EHBP1: variants seen among roughly 807,000 people sequenced by gnomAD.
EHBP1 encodes the protein EH domain binding protein 1, also known as EH domain-binding protein 1.
EHBP1 carries 55 observed loss-of-function variants against 144.0 expected under a neutral mutation model. The observed-to-expected ratio is 0.38, with a 90% CI of 0.31 to 0.48. EHBP1 has a LOEUF of 0.48. Ranked by LOEUF, EHBP1 falls within the 20% of genes least tolerant of loss-of-function variation. The pLI, the probability that EHBP1 is intolerant of heterozygous loss-of-function variation, is 0.98. For synonymous variants in EHBP1, 469 were observed against 472.7 expected, an observed-to-expected ratio of 0.99 and a Z score of 0.10; for missense variants, 1,200 against 1,364.2, an observed-to-expected ratio of 0.88 and a Z score of 1.90.
rs1012213749 is a variant in EHBP1 at position 62,841,092 on chromosome 2, A to G, written c.634+9934A>G. 9.6e-4 allele frequency among the ~76,000 whole-genome samples: 146 copies of G among 152,306 alleles called. 2 individuals carry two copies. The highest frequency in any genetic ancestry group is 3.3e-3 in the East Asian group (17 of 5,178). On this transcript the variant is annotated intron_variant, in intron 7 of 22. Transcript: ENST00000431489. ...ATAGCAAAGACTTGGAACCAAGCCAAATGTCCAACAATGATAGACTGGATT... is the reference window on the plus strand; with the variant it reads ...ATAGCAAAGACTTGGAACCAAGCCAGATGTCCAACAATGATAGACTGGATT...
At position 62,849,314 on chromosome 2, in the gene EHBP1, G is replaced by A. The variant is rs574752796; in HGVS notation, c.635-9855G>A. On this transcript the variant is annotated intron_variant, in intron 7 of 22. Transcript: ENST00000431489. Reference sequence around the variant, plus strand: ...TGGACAGGCCACTTGGAGAGAGAGAGAGATGCTGGGCCATCTGCGAGTTGT... The same window carrying A: ...TGGACAGGCCACTTGGAGAGAGAGAAAGATGCTGGGCCATCTGCGAGTTGT... Among the ~76,000 whole-genome samples, 11 of 152,240 alleles carry A rather than the reference G, an allele frequency of 7.2e-5. No homozygotes were observed. In the South Asian group the frequency reaches 2.3e-3, roughly 32 times the overall value.
intron 2 of EHBP1, among the ~76,000 whole-genome samples, chr2:62,726,032 C>T (rs564200190): frequency 1.3e-5 from 2 of 152,196 alleles, no homozygotes; most frequent in South Asian, 4.1e-4. Context: ...AGGGGTTGGG[C>T]TGGCCTTGTC....
At chr2:62,924,044 C>G (rs912647332) in intron 10 of EHBP1, among the ~76,000 whole-genome samples, 1 of 152,162 alleles carries the variant, frequency 6.6e-6, no homozygotes, top group Non-Finnish European at 1.5e-5. Context: ...ACCCATATCC[C>G]AAGCCTGAGA....
intron 19 of EHBP1, among the ~76,000 whole-genome samples, chr2:63,019,832 GA>G (rs879662503): frequency 0.2 from 10,599 of 52,846 alleles, 1,434 homozygotes; most frequent in Non-Finnish European, 0.25. Flanking sequence ...GAGGGGGAGG[GA>G]AGGAAGGAAG....
chr2:62,872,043 A>T (rs562408868), intron 9 of EHBP1: 3 of 152,282 alleles, frequency 2.0e-5, no homozygotes, highest in Admixed American at 1.3e-4. Flanking sequence ...GGGAAGCTAC[A>T]TGCCCATTTT....
At chr2:62,829,549 TA>T (rs2046629479) in intron 6 of EHBP1, among the ~76,000 whole-genome samples, 1 of 147,994 alleles carries the variant, frequency 6.8e-6, no homozygotes, top group Non-Finnish European at 1.5e-5. Context: ...TGTTCCTTTT[TA>T]AGGCTGAGTG....
intron 14 of EHBP1, among the ~76,000 whole-genome samples, chr2:62,971,571 G>A (rs559880864): frequency 6.6e-6 from 1 of 152,230 alleles, no homozygotes; most frequent in South Asian, 2.1e-4. Flanking sequence ...AATAGATAGG[G>A]CCAGTGCTTT....
At chr2:62,787,381 A>C (rs899838987) in intron 5 of EHBP1, among the ~76,000 whole-genome samples, 107 of 113,640 alleles carry the variant, frequency 9.4e-4, no homozygotes, top group Admixed American at 2.0e-3. Flanking sequence ...GCACCACCCC[A>C]CACTGCACCG....
intron 2 of EHBP1, among the ~76,000 whole-genome samples, chr2:62,708,374 G>GT (rs2034802595): frequency 6.6e-6 from 1 of 152,194 alleles, no homozygotes. Flanking sequence ...TCCTCAAGGA[G>GT]TGTGCAGTCC....
chr2:63,041,952 T>C (rs1306396362), intron 21 of EHBP1, among the ~76,000 whole-genome samples: 1 of 152,194 alleles, frequency 6.6e-6, no homozygotes, highest in East Asian at 1.9e-4. Context: ...GCAAATAAAC[T>C]GAATCAGGGA....
chr2:62,868,240 A>G (rs1286774551), intron 9 of EHBP1, among the ~76,000 whole-genome samples: 2 of 152,090 alleles, frequency 1.3e-5, no homozygotes, highest in Non-Finnish European at 2.9e-5. Flanking sequence ...TTAGCTAGGC[A>G]TGGTTTCAGT....
intron 21 of EHBP1, among the ~76,000 whole-genome samples, chr2:63,040,747 C>T (rs1191151597): frequency 6.6e-6 from 1 of 152,160 alleles, no homozygotes; most frequent in Admixed American, 6.5e-5. Flanking sequence ...AATAAAGATA[C>T]TGTCTTAAGA....
intron 2 of EHBP1, among the ~76,000 whole-genome samples, chr2:62,738,794 T>G (rs995257788): frequency 6.6e-6 from 1 of 152,220 alleles, no homozygotes; most frequent in Non-Finnish European, 1.5e-5. Flanking sequence ...TCAGAACGCT[T>G]TCTTATGTAT....
At chr2:62,822,750 C>G (rs989356993) in intron 5 of EHBP1, among the ~76,000 whole-genome samples, 8 of 152,066 alleles carry the variant, frequency 5.3e-5, no homozygotes, top group Non-Finnish European at 5.9e-5. Context: ...AAATATTTGC[C>G]AATCTGAAAG....
At chr2:62,793,218 A>G (rs1320588076) in intron 5 of EHBP1, among the ~76,000 whole-genome samples, 1 of 152,094 alleles carries the variant, frequency 6.6e-6, no homozygotes, top group Non-Finnish European at 1.5e-5. Flanking sequence ...TTTAGAACTG[A>G]TATTTTTGGA....
Position 62,844,539 on chromosome 2 carries a change from G to A in EHBP1, c.634+13381G>A, listed in dbSNP as rs1242772544. Among the ~76,000 whole-genome samples, 3 of 152,176 alleles carry A rather than the reference G, an allele frequency of 2.0e-5. No individual in the cohort carries two copies. The East Asian group carries it at 5.8e-4, about 29-fold the overall frequency. ...GTAGTAGAAATTATGAAACCATATG[G>A]TTTCAGAACAATAAATACTGGCAGT... On this transcript the variant is annotated intron_variant, in intron 7 of 22. Coordinates refer to ENST00000431489, the MANE Select transcript of EHBP1 (RefSeq NM_001142616.3).
chr2:62,936,292 T>C (rs1047521636), intron 10 of EHBP1, among the ~76,000 whole-genome samples: 1 of 152,132 alleles, frequency 6.6e-6, no homozygotes, highest in Admixed American at 6.6e-5. Context: ...TATAGAACTC[T>C]CTGGGTTTTC....
intron 5 of EHBP1, among the ~76,000 whole-genome samples, chr2:62,822,858 A>G (rs1558734471): frequency 6.6e-6 from 1 of 152,158 alleles, no homozygotes; most frequent in African/African-American, 2.4e-5. Context: ...TCTGATTCCA[A>G]CCGCAATAGA....
chr2:62,673,948 C>A, exon 1 of EHBP1: 1 of 450,626 alleles, frequency 2.2e-6, no homozygotes, highest in South Asian at 1.7e-5. Flanking sequence ...CAAGTCATGG[C>A]AGAACTGGGT....
Sources: gnomAD v4.1 joint callset for allele counts (sites outside exome capture counted in the v4.1 genomes callset) on GRCh38, gnomAD v4.1.1 for gene constraint, MANE v1.5 for transcripts, NCBI Gene and HGNC (gene_info 2026-07-23, HGNC 2026-07-21) for gene names.